ANKRD13B: variants seen among roughly 807,000 people sequenced by gnomAD.
ANKRD13B encodes the protein ankyrin repeat domain-containing protein 13B.
In ANKRD13B, 33 loss-of-function variants were observed where a neutral mutation model predicts 74.4. That is an observed-to-expected ratio of 0.44 (90% confidence interval 0.34 to 0.59). The LOEUF (loss-of-function observed/expected upper bound fraction) is 0.59. Ranked by LOEUF, ANKRD13B falls within the 20% of genes least tolerant of loss-of-function variation. The pLI, the probability that ANKRD13B is intolerant of heterozygous loss-of-function variation, is 0.02. For missense variants in ANKRD13B, 676 were observed against 877.9 expected (o/e 0.77, Z 2.91); for synonymous variants, 341 against 362.9 (o/e 0.94, Z 0.68).
At chr17:29,594,884 C>A (rs3098946) in intron 1 of ANKRD13B, among the ~76,000 whole-genome samples, 11,488 of 152,252 alleles carry the variant, frequency 0.075, 559 homozygotes, top group Non-Finnish European at 0.1. Flanking sequence ...GGCAGGCCAT[C>A]GGACTGAGCA....
intron 1 of ANKRD13B, among the ~76,000 whole-genome samples, chr17:29,603,045 T>C (rs1409438108): frequency 1.3e-5 from 2 of 152,060 alleles, no homozygotes; most frequent in Non-Finnish European, 2.9e-5. Flanking sequence ...AAAATGGGGT[T>C]TCACCATATT....
intron 1 of ANKRD13B, among the ~76,000 whole-genome samples, chr17:29,596,417 G>A (rs929960427): frequency 1.6e-4 from 24 of 152,242 alleles, no homozygotes; most frequent in African/African-American, 5.8e-4. Flanking sequence ...GTAAGCCAGG[G>A]AATATGCCAG....
chr17:29,596,187 G>C (rs945778812), intron 1 of ANKRD13B, among the ~76,000 whole-genome samples: 1 of 152,256 alleles, frequency 6.6e-6, no homozygotes, highest in Admixed American at 6.5e-5. Context: ...AGGCTTGGCA[G>C]TGCAGCTGGC....
At chr17:29,601,793 A>T (rs2034188858) in intron 1 of ANKRD13B, among the ~76,000 whole-genome samples, 1 of 152,060 alleles carries the variant, frequency 6.6e-6, no homozygotes. Flanking sequence ...CTAGGTTGAA[A>T]GTTTTTGTTT....
In ANKRD13B at chr17:29,593,653, G is replaced by C. The variant is rs2033843844; in HGVS notation, c.32G>C (p.Gly11Ala). The change falls in exon 1 of 15, where the codon GGG (glycine) becomes GCG (alanine). Residue 11 changes from glycine (G) to alanine (A), a missense_variant. Physicochemically the swap from Gly to Ala is moderately conservative, Grantham distance 60 (BLOSUM62 0). This residue lies in a region of ANKRD13B where 88 missense variants were observed against 87.8 expected (regional missense o/e 1.00). Transcript: ENST00000394859. ...CCCGCCAACGCCTCCGCCAGGAAGGGGCCCGAGGGCAAGTATCCGCTGCAC... is the reference window on the plus strand; with the variant it reads ...CCCGCCAACGCCTCCGCCAGGAAGGCGCCCGAGGGCAAGTATCCGCTGCAC... MIPANASARK[G>A]PEGKYPLHYL... 1 of 1,421,870 alleles carries C rather than the reference G, an allele frequency of 7.0e-7. No homozygotes were observed. 88.1% of individuals were successfully genotyped at this position (1,421,870 alleles called of 1,614,324 possible). A position where few individuals can be genotyped will look rare whatever the true frequency, so the allele number is the denominator to read the frequency against.
At position 29,608,370 on chromosome 17, in the gene ANKRD13B, C is replaced by A; in HGVS notation, c.421+130C>A. The stretch of plus-strand genomic sequence containing the variant: ...ATGCCTTAGCTCAGCTCAGGGCCAC[C>A]GCCTCAGCTAGGCCTTTCCAGATTG... On this transcript the variant is annotated intron_variant, in intron 4 of 14. Transcript: ENST00000394859. The surrounding 1 kb of genome is among the most constrained non-coding windows in gnomAD (Gnocchi z 6.4). 8.4e-7 allele frequency: 1 copy of A among 1,193,472 alleles called. No individual in the cohort carries two copies. The highest frequency in any genetic ancestry group is 1.2e-6 in the Non-Finnish European group (1 of 846,898). 73.9% of individuals were successfully genotyped at this position (1,193,472 alleles called of 1,614,324 possible).
At position 29,611,472 on chromosome 17, in the gene ANKRD13B, C is replaced by T; in HGVS notation, c.905-107C>T. On this transcript the variant is annotated intron_variant, in intron 8 of 14. Transcript: ENST00000394859. This position sits in a 1 kb window ranked among gnomAD's most constrained non-coding sequence, Gnocchi z 4.3. ...TATGTGGTTGGGTGAGCAGGCCCCA[C>T]CCCAGGAACCGGCCTCCTCCCTAGG... 8.3e-7 allele frequency: 1 copy of T among 1,205,788 alleles called. No individual in the cohort carries two copies. The highest frequency in any genetic ancestry group is 1.2e-6 in the Non-Finnish European group (1 of 821,860). The allele number at this position is 1,205,788 out of a possible 1,614,324, so 74.7% of individuals were successfully genotyped here. A position where few individuals can be genotyped will look rare whatever the true frequency, so the allele number is the denominator to read the frequency against.
rs565656956 is a variant in ANKRD13B at position 29,608,753 on chromosome 17, G to C, written c.422-98G>C. On this transcript the variant is annotated intron_variant, in intron 4 of 14. Coordinates refer to ENST00000394859, the MANE Select transcript of ANKRD13B (RefSeq NM_152345.5). This position sits in a 1 kb window ranked among gnomAD's most constrained non-coding sequence, Gnocchi z 6.4. ...TGCTCTCTCTTCAGTTCCCTCCCCTGTTCCTGGCCACACGGATCCCAAACC... is the reference window on the plus strand; with the variant it reads ...TGCTCTCTCTTCAGTTCCCTCCCCTCTTCCTGGCCACACGGATCCCAAACC... The C allele has an allele frequency of 6.6e-7, 1 of 1,504,350 alleles. No individual in the cohort carries two copies. The highest frequency in any genetic ancestry group is 1.4e-5 in the African/African-American group (1 of 72,184). The allele number at this position is 1,504,350 out of a possible 1,614,324, so 93.2% of individuals were successfully genotyped here. A position where few individuals can be genotyped will look rare whatever the true frequency, so the allele number is the denominator to read the frequency against.
intron 1 of ANKRD13B, among the ~76,000 whole-genome samples, chr17:29,597,754 T>G (rs2034003990): frequency 6.6e-6 from 1 of 152,078 alleles, no homozygotes; most frequent in Admixed American, 6.5e-5. Context: ...GCTCTGGAGC[T>G]TGGCTGAGTG....
At chr17:29,597,628 T>A (rs1268590686) in intron 1 of ANKRD13B, among the ~76,000 whole-genome samples, 1 of 152,098 alleles carries the variant, frequency 6.6e-6, no homozygotes, top group Non-Finnish European at 1.5e-5. Context: ...GCTAGAGGCC[T>A]CTGCTGAGGA....
Position 29,608,155 on chromosome 17 carries a change from C to T in ANKRD13B, c.376-40C>T. ...CCTCCACGGGAGCCCTTGAGCCCTT[C>T]TCCAGTGCAGACTTAGCCTCTCTCC... On this transcript the variant is annotated intron_variant, in intron 3 of 14. Coordinates refer to ENST00000394859, the MANE Select transcript of ANKRD13B (RefSeq NM_152345.5). The surrounding 1 kb of genome is among the most constrained non-coding windows in gnomAD (Gnocchi z 6.4). 1 of 1,614,152 alleles carries T rather than the reference C, an allele frequency of 6.2e-7. No individual in the cohort carries two copies. Among genetic ancestry groups the T allele is most frequent in the Admixed American group, 1.7e-5 (1 of 60,022 alleles).
Position 29,612,000 on chromosome 17 carries a change from C to T in ANKRD13B, c.1094C>T (p.Thr365Ile), listed in dbSNP as rs1182013514. ...MGRPMELTTK[T>I]QKFKAKLWLC... The stretch of plus-strand genomic sequence containing the variant: ...CGCCCCATGGAACTGACCACCAAGA[C>T]ACAGAAGTGAGGCCCCTGCCGGTGC... Residue 365 changes from threonine to isoleucine, a missense_variant, in exon 10 of 15, where the codon ACA (threonine) becomes ATA (isoleucine). Around this residue, in one of 4 missense-constraint regions of ANKRD13B, gnomAD observed 328 missense variants for 518.4 expected, o/e 0.63. Transcript: ENST00000394859. The surrounding 1 kb of genome is among the most constrained non-coding windows in gnomAD (Gnocchi z 4.3). The T allele has an allele frequency of 6.2e-7, 1 of 1,611,826 alleles. No homozygotes were observed. The highest frequency in any genetic ancestry group is 8.5e-7 in the Non-Finnish European group (1 of 1,178,962).
chr17:29,607,122 A>G (rs2034418746), intron 1 of ANKRD13B, among the ~76,000 whole-genome samples: 1 of 152,220 alleles, frequency 6.6e-6, no homozygotes. Flanking sequence ...AATCTCATGC[A>G]ATGTAATCAT....
intron 1 of ANKRD13B, among the ~76,000 whole-genome samples, chr17:29,601,778 G>A (rs1474346755): frequency 6.6e-6 from 1 of 150,800 alleles, no homozygotes; most frequent in Non-Finnish European, 1.5e-5. Flanking sequence ...AAAAAAAAAA[G>A]AATTCTAGGT....
At chr17:29,598,601 T>A (rs1367848103) in intron 1 of ANKRD13B, among the ~76,000 whole-genome samples, 1 of 150,700 alleles carries the variant, frequency 6.6e-6, no homozygotes, top group Non-Finnish European at 1.5e-5. Context: ...CAGGCTGGAG[T>A]GCAGTAGTGT....
At chr17:29,602,197 C>T (rs1032688309) in intron 1 of ANKRD13B, among the ~76,000 whole-genome samples, 1 of 152,090 alleles carries the variant, frequency 6.6e-6, no homozygotes, top group African/African-American at 2.4e-5. Flanking sequence ...AGATCGAGAC[C>T]ATGCTGGCTA....
chr17:29,597,756 G>C (rs1357120090), intron 1 of ANKRD13B, among the ~76,000 whole-genome samples: 1 of 152,140 alleles, frequency 6.6e-6, no homozygotes, highest in Non-Finnish European at 1.5e-5. Flanking sequence ...TCTGGAGCTT[G>C]GCTGAGTGTA....
In ANKRD13B at chr17:29,601,438, T is replaced by A. The variant is rs539396610; in HGVS notation, c.115-6304T>A. Among the ~76,000 whole-genome samples the A allele has an allele frequency of 1.2e-4, 19 of 152,048 alleles. No homozygotes were observed. The East Asian group carries it at 3.5e-3, about 28-fold the overall frequency. On this transcript the variant is annotated intron_variant, in intron 1 of 14. Coordinates refer to ENST00000394859, the MANE Select transcript of ANKRD13B (RefSeq NM_152345.5). ...GGTTTCACCATGTTGGCCAGGCTGG[T>A]CTCAAACTCCTGACCTCTGGTGACC...
At position 29,612,668 on chromosome 17, in the gene ANKRD13B, C is replaced by A; in HGVS notation, c.1428C>A (p.Cys476Ter). 6.4e-7 allele frequency: 1 copy of A among 1,563,026 alleles called. No individual in the cohort carries two copies. The highest frequency in any genetic ancestry group is 2.3e-5 in the East Asian group (1 of 43,778). The change falls in exon 13 of 15, where the codon TGC (cysteine) becomes TGA (stop). Residue 476 changes from cysteine to a stop codon, truncating the protein, a stop_gained. Coordinates refer to ENST00000394859, the MANE Select transcript of ANKRD13B (RefSeq NM_152345.5). LOFTEE classifies it high-confidence loss of function. This position sits in a 1 kb window ranked among gnomAD's most constrained non-coding sequence, Gnocchi z 6.1. ...CGCCCCCAGCCTCCTGCCGCGGCTG[C>A]GAGATCTCCCCAGCGTTGTTCGAGG... ...SSSSTTSCRG[C>*]EISPALFEAP...
Sources: allele counts gnomAD v4.1 joint callset (sites outside exome capture counted in the v4.1 genomes callset), GRCh38; gene constraint gnomAD v4.1.1; regional missense constraint gnomAD v4.1.1; non-coding constraint Gnocchi (gnomAD v3.1); transcripts MANE v1.5; gene names NCBI Gene and HGNC (gene_info 2026-07-23, HGNC 2026-07-21).